The following NEK6 variants were observed in gnomAD, a reference collection of about 807,000 sequenced individuals.
The protein encoded by NEK6 is NIMA related kinase 6.
NEK6 carries 27 observed loss-of-function variants against 43.5 expected under a neutral mutation model. The observed-to-expected ratio is 0.62, with a 90% confidence interval of 0.46 to 0.86. NEK6 has a LOEUF of 0.86. Ranked by LOEUF, NEK6 falls within the 40% of genes least tolerant of loss-of-function variation. The probability of loss-of-function intolerance (pLI) is 0.00; values close to 1 mark genes in which losing one functional copy is unlikely to be tolerated. For synonymous variants in NEK6, 167 were observed against 164.1 expected, an observed-to-expected ratio of 1.02 and a Z score of -0.14; for missense variants, 318 against 414.4, an observed-to-expected ratio of 0.77 and a Z score of 2.02.
In NEK6 at chr9:124,324,234, TG is replaced by T. The variant is rs1834220278; in HGVS notation, c.406-2092del. Among the ~76,000 whole-genome samples, 1 of 152,170 alleles carries T rather than the reference TG, an allele frequency of 6.6e-6. No individual in the cohort carries two copies. The highest frequency in any genetic ancestry group is 1.5e-5 in the Non-Finnish European group (1 of 68,004). ...ATCTGTAACATACCAGCACAATGCCTGGGGTTTGGTGGGAGCTCGGTTCCCC... is the reference window on the plus strand; with the variant it reads ...ATCTGTAACATACCAGCACAATGCCTGGGTTTGGTGGGAGCTCGGTTCCCC... On this transcript the variant is annotated intron_variant, in intron 5 of 9. Coordinates refer to ENST00000320246, the MANE Select transcript of NEK6 (RefSeq NM_014397.6). This position sits in a 1 kb window ranked among gnomAD's most constrained non-coding sequence, Gnocchi z 5.3.
Position 124,351,222 on chromosome 9 carries a change from G to C in NEK6, c.*275G>C. On this transcript the variant is annotated 3_prime_UTR_variant, in exon 10 of 10. Transcript: ENST00000320246. The stretch of plus-strand genomic sequence containing the variant: ...TCAATAAGGGCAGGTGGTTCAGCGA[G>C]CCACGGCAGCCCCCTGTATCTGGAT... 1 of 350,604 alleles carries C rather than the reference G, an allele frequency of 2.9e-6. No homozygotes were observed. Among genetic ancestry groups the C allele is most frequent in the South Asian group, 3.5e-5 (1 of 28,974 alleles). The allele number at this position is 350,604 out of a possible 1,614,324, so 21.7% of individuals were successfully genotyped here. A position where few individuals can be genotyped will look rare whatever the true frequency, so the allele number is the denominator to read the frequency against.
chr9:124,285,911 T>G (rs566054368), intron 1 of NEK6, among the ~76,000 whole-genome samples: 1 of 152,330 alleles, frequency 6.6e-6, no homozygotes, highest in African/African-American at 2.4e-5. Context: ...TAAAGTAAGT[T>G]AACATCACTC....
At chr9:124,261,293 T>A in intron 1 of NEK6, 1 of 664,700 alleles carries the variant, frequency 1.5e-6, no homozygotes, top group Non-Finnish European at 1.9e-6. Context: ...TTTTTTCTTT[T>A]CTTTAAGTGC....
intron 4 of NEK6, among the ~76,000 whole-genome samples, chr9:124,316,921 A>G (rs1462944987): frequency 6.6e-6 from 1 of 152,118 alleles, no homozygotes; most frequent in Non-Finnish European, 1.5e-5. Context: ...AAACTGTGTC[A>G]TGCCTGGACT....
At chr9:124,278,210 G>A (rs1831727103) in intron 1 of NEK6, among the ~76,000 whole-genome samples, 1 of 152,238 alleles carries the variant, frequency 6.6e-6, no homozygotes, top group Non-Finnish European at 1.5e-5. Context: ...TATCGCCTAG[G>A]TGTGGGGGAG....
rs115376852 is a variant in NEK6, at chr9:124,285,416, G to A, written c.-29-16520G>A. Among the ~76,000 whole-genome samples the A allele has an allele frequency of 4.9e-3, 753 of 152,250 alleles. 8 individuals carry two copies. The highest frequency in any genetic ancestry group is 0.017 in the African/African-American group (720 of 41,534). Reference sequence around the variant, plus strand: ...CCGACCTGCATGTAAAACTCCAAGCGGACATCAGAGTGGGTTCGTCTGTTC... The same window carrying A: ...CCGACCTGCATGTAAAACTCCAAGCAGACATCAGAGTGGGTTCGTCTGTTC... On this transcript the variant is annotated intron_variant, in intron 1 of 9. Coordinates refer to ENST00000320246, the MANE Select transcript of NEK6 (RefSeq NM_014397.6).
At chr9:124,347,168 G>A (rs1459968808) in intron 8 of NEK6, among the ~76,000 whole-genome samples, 3 of 152,130 alleles carry the variant, frequency 2.0e-5, no homozygotes, top group South Asian at 2.1e-4. Flanking sequence ...CCCTGATACC[G>A]GCAGCTGGCT....
chr9:124,342,506 G>A (rs1180111739), intron 8 of NEK6, among the ~76,000 whole-genome samples: 1 of 152,262 alleles, frequency 6.6e-6, no homozygotes, highest in Non-Finnish European at 1.5e-5. Flanking sequence ...TAGTGAGGAA[G>A]GAATGAGGCC....
At chr9:124,308,095 CT>C (rs1833350592) in intron 2 of NEK6, among the ~76,000 whole-genome samples, 2 of 152,216 alleles carry the variant, frequency 1.3e-5, no homozygotes, top group African/African-American at 4.8e-5. Flanking sequence ...CAGCAGCCCC[CT>C]GAAGGGGGTA....
chr9:124,305,931 A>G (rs1374400875), intron 2 of NEK6, among the ~76,000 whole-genome samples: 2 of 152,248 alleles, frequency 1.3e-5, no homozygotes, highest in Non-Finnish European at 2.9e-5. Context: ...AATCCATACT[A>G]TCTCATTTGA....
chr9:124,302,176 T>G, intron 2 of NEK6, 122 bp downstream of exon 2: 1 of 670,140 alleles, frequency 1.5e-6, no homozygotes, highest in Non-Finnish European at 2.5e-6. Context: ...CAGAACCTCT[T>G]GAATGCTTCC....
intron 1 of NEK6, among the ~76,000 whole-genome samples, chr9:124,270,010 G>A (rs953530038): frequency 6.6e-6 from 1 of 152,178 alleles, no homozygotes; most frequent in Admixed American, 6.5e-5. Flanking sequence ...GCCAACCGCA[G>A]CATCCCTGCC....
chr9:124,300,569 G>A (rs1832916743), intron 1 of NEK6, among the ~76,000 whole-genome samples: 1 of 152,152 alleles, frequency 6.6e-6, no homozygotes. Context: ...CTTGAGATGG[G>A]GATATGTAGG....
Position 124,304,002 on chromosome 9 carries a change from T to C in NEK6, c.90+1948T>C, listed in dbSNP as rs538808534. On this transcript the variant is annotated intron_variant, in intron 2 of 9. Transcript: ENST00000320246. ...AGCGTTCACGACGTCTCATCGTTCA[T>C]GTTGGAGAGGGTAATGACATAGTTA... Among the ~76,000 whole-genome samples the C allele has an allele frequency of 4.8e-3, 730 of 152,314 alleles. 6 individuals carry two copies. Among genetic ancestry groups the C allele is most frequent in the African/African-American group, 0.017 (697 of 41,560 alleles).
At chr9:124,330,087 G>A (rs553527705) in intron 7 of NEK6, among the ~76,000 whole-genome samples, 46 of 152,108 alleles carry the variant, frequency 3.0e-4, no homozygotes, top group African/African-American at 1.1e-3. Flanking sequence ...CCCCCTCCCC[G>A]CCTCTGTATT....
rs1459753542 is a variant in NEK6 at position 124,326,980 on chromosome 9, G to A, written c.515-358G>A. On this transcript the variant is annotated intron_variant, in intron 6 of 9. Coordinates refer to ENST00000320246, the MANE Select transcript of NEK6 (RefSeq NM_014397.6). This position sits in a 1 kb window ranked among gnomAD's most constrained non-coding sequence, Gnocchi z 4.5. ...GGGGTACGGCACTGGGTGCTCCACT[G>A]AGCACTCCGTTCATTCATTACGCAG... Among the ~76,000 whole-genome samples, 1 of 152,138 alleles carries A rather than the reference G, an allele frequency of 6.6e-6. No individual in the cohort carries two copies. Among genetic ancestry groups the A allele is most frequent in the Non-Finnish European group, 1.5e-5 (1 of 68,020 alleles).
chr9:124,286,064 G>A (rs942657312), intron 1 of NEK6, among the ~76,000 whole-genome samples: 2 of 152,128 alleles, frequency 1.3e-5, no homozygotes, highest in Non-Finnish European at 2.9e-5. Context: ...TCTCGTGAAC[G>A]GTTCCCCCCT....
intron 7 of NEK6, among the ~76,000 whole-genome samples, chr9:124,332,581 C>T (rs1047133286): frequency 3.3e-5 from 5 of 152,196 alleles, no homozygotes; most frequent in African/African-American, 1.2e-4. Context: ...GCAAGGAGAC[C>T]GCATTTCTCC....
chr9:124,264,780 A>G (rs370470522), intron 1 of NEK6, among the ~76,000 whole-genome samples: 2 of 142,394 alleles, frequency 1.4e-5, no homozygotes, highest in Non-Finnish European at 3.0e-5. Context: ...GTGCCACTGC[A>G]CTCCAGCCTA....
Sources: gnomAD v4.1 joint callset for allele counts (sites outside exome capture counted in the v4.1 genomes callset) on GRCh38, gnomAD v4.1.1 for gene constraint, Gnocchi (gnomAD v3.1) non-coding constraint, MANE v1.5 for transcripts, NCBI Gene and HGNC (gene_info 2026-07-23, HGNC 2026-07-21) for gene names.